The following ADAMTSL1 variants were observed in gnomAD, a reference collection of about 807,000 sequenced individuals.
ADAMTSL1 encodes the protein ADAMTS-like protein 1.
In ADAMTSL1, 126 loss-of-function variants were observed where a neutral mutation model predicts 201.8. The observed-to-expected ratio is 0.62, with a 90% CI of 0.54 to 0.72. The LOEUF is 0.72. Among genes scored for constraint, ADAMTSL1 ranks in the 30% least tolerant of loss-of-function variants. ADAMTSL1 has a pLI of 0.00. For synonymous variants in ADAMTSL1, 1,121 were observed against 903.4 expected, an observed-to-expected ratio of 1.24 and a Z score of -4.32; for missense variants, 2,679 against 2,277.8, an observed-to-expected ratio of 1.18 and a Z score of -3.59.
intron 17 of ADAMTSL1, among the ~76,000 whole-genome samples, chr9:18,774,286 A>G (rs1287513467): frequency 6.6e-6 from 1 of 152,004 alleles, no homozygotes; most frequent in Non-Finnish European, 1.5e-5. Flanking sequence ...TGCCTTATGG[A>G]CCAATTACAA....
At chr9:18,845,875 C>G (rs1413334899) in intron 23 of ADAMTSL1, among the ~76,000 whole-genome samples, 1 of 152,186 alleles carries the variant, frequency 6.6e-6, no homozygotes, top group Non-Finnish European at 1.5e-5. Flanking sequence ...GCAGAGCTCA[C>G]AGTGTTCACA....
chr9:18,709,409 T>A (rs1025697886), intron 14 of ADAMTSL1, among the ~76,000 whole-genome samples: 2 of 152,210 alleles, frequency 1.3e-5, no homozygotes, highest in Admixed American at 1.3e-4. Flanking sequence ...AAATAGATTT[T>A]AAATCAATTT....
intron 1 of ADAMTSL1, among the ~76,000 whole-genome samples, chr9:18,497,781 C>T (rs1049006834): frequency 6.6e-6 from 1 of 152,176 alleles, no homozygotes; most frequent in Non-Finnish European, 1.5e-5. Context: ...AAATTGTGTT[C>T]TGTTGAAGCT....
chr9:18,869,208 A>T (rs2131453872), intron 23 of ADAMTSL1, among the ~76,000 whole-genome samples: 1 of 152,306 alleles, frequency 6.6e-6, no homozygotes, highest in Middle Eastern at 3.4e-3. Context: ...CAGTCCTCAA[A>T]TGGAGCCAAC....
Position 18,737,319 on chromosome 9 carries a change from CAAAAAAAAAAA to C in ADAMTSL1, c.2006+15668_2006+15678del, listed in dbSNP as rs59511409. On this transcript the variant is annotated intron_variant, in intron 15 of 28. Transcript: ENST00000380548. The stretch of plus-strand genomic sequence containing the variant: ...GCCCAACAAGAGTGAAACTCTGTCT[CAAAAAAAAAAA>C]AAAAAAAAAAAAAGTGAAGTACAAG... 1.0e-3 allele frequency among the ~76,000 whole-genome samples: 54 copies of C among 53,676 alleles called. 1 individual carries two copies. The highest frequency in any genetic ancestry group is 1.8e-3 in the East Asian group (3 of 1,624). The allele number at this position is 53,676 out of a possible 152,430, so 35.2% of individuals were successfully genotyped here.
chr9:18,269,818 C>G (rs1263987107), intron 2 of ADAMTSL1, among the ~76,000 whole-genome samples: 4 of 149,554 alleles, frequency 2.7e-5, no homozygotes, highest in African/African-American at 9.9e-5. Context: ...GGGGGAAACT[C>G]TGCAGAGAGT....
In ADAMTSL1 at chr9:18,336,700, A is replaced by G. The variant is rs146329653; in HGVS notation, c.208-168129A>G. Among the ~76,000 whole-genome samples the G allele has an allele frequency of 1.5e-3, 221 of 152,256 alleles. 2 individuals are homozygous for G. Among genetic ancestry groups the G allele is most frequent in the East Asian group, 8.3e-3 (43 of 5,174 alleles). The stretch of plus-strand genomic sequence containing the variant: ...CTCTTGCCCTGCCTGTGTACTAAAA[A>G]CATCAGTTCTAGCATTACTAGTATT... On this transcript the variant is annotated intron_variant, in intron 2 of 29. Transcript: ENST00000680146.
chr9:17,995,573 A>C (rs1036711063), intron 1 of ADAMTSL1, among the ~76,000 whole-genome samples: 1 of 152,094 alleles, frequency 6.6e-6, no homozygotes, highest in Non-Finnish European at 1.5e-5. Context: ...AAAGTGGAGT[A>C]ACATTTTAAT....
intron 2 of ADAMTSL1, among the ~76,000 whole-genome samples, chr9:18,411,670 T>G (rs1375535689): frequency 6.6e-6 from 1 of 152,166 alleles, no homozygotes; most frequent in Admixed American, 6.5e-5. Flanking sequence ...ATATCAGTAT[T>G]TTGCTATTCT....
intron 2 of ADAMTSL1, among the ~76,000 whole-genome samples, chr9:18,200,283 A>T (rs1029471515): frequency 2.0e-4 from 31 of 151,904 alleles, no homozygotes; most frequent in Admixed American, 7.9e-4. Flanking sequence ...AAAAAAAAAA[A>T]TTTGTACACA....
chr9:18,794,492 G>A (rs1018596021), intron 19 of ADAMTSL1, among the ~76,000 whole-genome samples: 5 of 151,928 alleles, frequency 3.3e-5, no homozygotes, highest in South Asian at 2.1e-4. Context: ...GACAATAGAT[G>A]TATATATGAC....
intron 2 of ADAMTSL1, among the ~76,000 whole-genome samples, chr9:18,277,827 A>G (rs984316177): frequency 6.6e-6 from 1 of 152,074 alleles, no homozygotes; most frequent in Non-Finnish European, 1.5e-5. Flanking sequence ...TTGTTTTCTG[A>G]CTGCTACTTA....
intron 21 of ADAMTSL1, among the ~76,000 whole-genome samples, chr9:18,823,682 G>A (rs1299778315): frequency 1.3e-5 from 2 of 152,150 alleles, no homozygotes; most frequent in Non-Finnish European, 2.9e-5. Context: ...GAAAGAGGAT[G>A]AATAATGGTA....
intron 2 of ADAMTSL1, among the ~76,000 whole-genome samples, chr9:18,250,372 T>C (rs1831416048): frequency 6.6e-6 from 1 of 152,198 alleles, no homozygotes; most frequent in Non-Finnish European, 1.5e-5. Flanking sequence ...ACTCCCTCTT[T>C]GGGAGAGATA....
chr9:18,496,526 A>G (rs899210639), intron 1 of ADAMTSL1, among the ~76,000 whole-genome samples: 7 of 152,208 alleles, frequency 4.6e-5, no homozygotes, highest in Non-Finnish European at 7.3e-5. Flanking sequence ...TCAACCAAAG[A>G]AAAGAGAAAG....
intron 2 of ADAMTSL1, among the ~76,000 whole-genome samples, chr9:18,262,087 T>C (rs912097032): frequency 2.0e-5 from 3 of 152,224 alleles, no homozygotes; most frequent in Admixed American, 6.5e-5. Flanking sequence ...ATATATATAA[T>C]GTGTTTGACT....
At position 18,402,863 on chromosome 9, in the gene ADAMTSL1, A is replaced by C. The variant is rs115846646; in HGVS notation, c.208-101966A>C. Among the ~76,000 whole-genome samples the C allele has an allele frequency of 3.4e-3, 511 of 152,258 alleles. 3 individuals are homozygous for C. Among genetic ancestry groups the C allele is most frequent in the African/African-American group, 0.012 (488 of 41,550 alleles). Reference sequence around the variant, plus strand: ...CTATTGGGCTAGAATCACCATAAGAATTGTTGCTGCTATTGCCAGTATTCA... The same window carrying C: ...CTATTGGGCTAGAATCACCATAAGACTTGTTGCTGCTATTGCCAGTATTCA... On this transcript the variant is annotated intron_variant, in intron 2 of 29. Coordinates refer to the ADAMTSL1 transcript ENST00000680146.
chr9:18,364,830 G>A (rs537808501), intron 2 of ADAMTSL1, among the ~76,000 whole-genome samples: 1 of 152,192 alleles, frequency 6.6e-6, no homozygotes, highest in South Asian at 2.1e-4. Flanking sequence ...TGGAGCAGGA[G>A]GGAGAGAGGG....
rs1430521450 is a variant in ADAMTSL1 at position 18,680,251 on chromosome 9, A to G, written c.1137-61A>G. 6 of 1,524,988 alleles carry G rather than the reference A, an allele frequency of 3.9e-6. No individual in the cohort carries two copies. In the East Asian group the frequency reaches 1.4e-4, roughly 35 times the overall value. The allele number at this position is 1,524,988 out of a possible 1,614,324, so 94.5% of individuals were successfully genotyped here. A position where few individuals can be genotyped will look rare whatever the true frequency, so the allele number is the denominator to read the frequency against. On this transcript the variant is annotated intron_variant, in intron 10 of 28. Transcript: ENST00000380548. ...GACATGGGGAGTGGGTTGGTGGACCAGTCACTGAGGAGGCTTAGCAATGTG... is the reference window on the plus strand; with the variant it reads ...GACATGGGGAGTGGGTTGGTGGACCGGTCACTGAGGAGGCTTAGCAATGTG...
Sources: allele counts gnomAD v4.1 joint callset (sites outside exome capture counted in the v4.1 genomes callset), GRCh38; gene constraint gnomAD v4.1.1; transcripts MANE v1.5; gene names NCBI Gene and HGNC (gene_info 2026-07-23, HGNC 2026-07-21).